Variants in GRAMD1B observed in about 807,000 individuals in gnomAD.
The protein encoded by GRAMD1B is protein Aster-B.
Under a neutral mutation model 99.7 loss-of-function variants are expected in GRAMD1B, and 37 were observed. That is an observed-to-expected ratio of 0.37 (90% CI 0.29 to 0.49). The LOEUF is 0.49. GRAMD1B is among the 20% of genes least tolerant of loss of function. GRAMD1B has a pLI of 0.98. For missense variants in GRAMD1B, 888 were observed against 1,009.2 expected, an observed-to-expected ratio of 0.88 and a Z score of 1.63; for synonymous variants, 427 against 387.6, an observed-to-expected ratio of 1.10 and a Z score of -1.19.
intron 1 of GRAMD1B, among the ~76,000 whole-genome samples, chr11:123,418,569 A>T (rs1251785267): frequency 1.3e-5 from 2 of 152,200 alleles, no homozygotes; most frequent in African/African-American, 4.8e-5. Flanking sequence ...TTCTGGGCAA[A>T]GGGCATTAGA....
intron 2 of GRAMD1B, among the ~76,000 whole-genome samples, chr11:123,481,117 T>C (rs1269050885): frequency 6.6e-6 from 1 of 152,120 alleles, no homozygotes; most frequent in African/African-American, 2.4e-5. Flanking sequence ...CTTTTTGTGT[T>C]CAGCAAAAGA....
chr11:123,451,784 T>C (rs1949897791), intron 1 of GRAMD1B, among the ~76,000 whole-genome samples: 1 of 152,126 alleles, frequency 6.6e-6, no homozygotes, highest in Non-Finnish European at 1.5e-5. Flanking sequence ...GCTTCTTCTC[T>C]TGAAAGATGT....
intron 2 of GRAMD1B, among the ~76,000 whole-genome samples, chr11:123,500,893 C>G (rs937200444): frequency 6.6e-6 from 1 of 151,994 alleles, no homozygotes; most frequent in African/African-American, 2.4e-5. Context: ...AGGCTGATCT[C>G]AAACTCCTGG....
At chr11:123,538,773 C>A (rs1448059250) in intron 2 of GRAMD1B, among the ~76,000 whole-genome samples, 2 of 151,968 alleles carry the variant, frequency 1.3e-5, no homozygotes, top group Non-Finnish European at 2.9e-5. Flanking sequence ...GCACGCATCA[C>A]CACACCTGAC....
chr11:123,619,517 A>G, intron 19 of GRAMD1B: 2 of 1,210,514 alleles, frequency 1.7e-6, no homozygotes, highest in Non-Finnish European at 1.0e-6. Context: ...TTGGTAACCC[A>G]TAACCATCTG....
chr11:123,546,607 A>G (rs1456810277), intron 2 of GRAMD1B, among the ~76,000 whole-genome samples: 2 of 152,208 alleles, frequency 1.3e-5, no homozygotes, highest in African/African-American at 4.8e-5. Context: ...GTCTGGGAGT[A>G]ATCAAGGCTG....
At chr11:123,428,445 G>A (rs1179189504), upstream of GRAMD1B, among the ~76,000 whole-genome samples, 1 of 152,220 alleles carries the variant, frequency 6.6e-6, no homozygotes, top group Non-Finnish European at 1.5e-5. Context: ...AGGGCCAGTG[G>A]CTGGATTTCA....
At chr11:123,424,647 A>G (rs2136055165) in intron 1 of GRAMD1B, among the ~76,000 whole-genome samples, 1 of 152,238 alleles carries the variant, frequency 6.6e-6, no homozygotes, top group South Asian at 2.1e-4. Flanking sequence ...CTAACACCCT[A>G]TTCTTTTTTA....
At chr11:123,373,451 A>G (rs1946594890) in intron 1 of GRAMD1B, among the ~76,000 whole-genome samples, 1 of 152,166 alleles carries the variant, frequency 6.6e-6, no homozygotes, top group Non-Finnish European at 1.5e-5. Flanking sequence ...CCTTTCAGAA[A>G]AGGTAGAAGT....
chr11:123,382,985 G>T (rs747005249), intron 1 of GRAMD1B, among the ~76,000 whole-genome samples: 1 of 152,146 alleles, frequency 6.6e-6, no homozygotes, highest in Non-Finnish European at 1.5e-5. Context: ...CAAGAGAACT[G>T]GTTACACTTC....
At chr11:123,552,047 C>T (rs1488477006) in intron 2 of GRAMD1B, among the ~76,000 whole-genome samples, 1 of 152,122 alleles carries the variant, frequency 6.6e-6, no homozygotes, top group African/African-American at 2.4e-5. Context: ...TTTCCTTGCC[C>T]AGTCCTTTCC....
At chr11:123,508,103 A>G (rs1321711954) in intron 2 of GRAMD1B, among the ~76,000 whole-genome samples, 2 of 152,146 alleles carry the variant, frequency 1.3e-5, no homozygotes, top group African/African-American at 4.8e-5. Flanking sequence ...ATCTTAGTAT[A>G]TTTTCTGCGG....
chr11:123,359,973 G>C (rs1181983583), intron 1 of GRAMD1B, among the ~76,000 whole-genome samples: 2 of 152,134 alleles, frequency 1.3e-5, no homozygotes, highest in African/African-American at 2.4e-5. Flanking sequence ...TTTGGGGAGG[G>C]GCGGATCTCA....
chr11:123,578,394 G>T, intron 3 of GRAMD1B: 1 of 1,525,602 alleles, frequency 6.6e-7, no homozygotes, highest in Non-Finnish European at 8.8e-7. Context: ...TACCTTCTTT[G>T]CATGCATGGT....
chr11:123,582,199 C>T (rs766690859), intron 3 of GRAMD1B, among the ~76,000 whole-genome samples: 2 of 152,240 alleles, frequency 1.3e-5, no homozygotes, highest in Non-Finnish European at 2.9e-5. Flanking sequence ...CAGCCTCTTG[C>T]CCTGTGGGCT....
At chr11:123,496,748 A>G (rs1007733896) in intron 2 of GRAMD1B, among the ~76,000 whole-genome samples, 2 of 151,890 alleles carry the variant, frequency 1.3e-5, no homozygotes, top group Non-Finnish European at 2.9e-5. Context: ...AGTCTGATGC[A>G]TTCTTCAGCA....
chr11:123,470,066 A>C (rs1353128189), intron 1 of GRAMD1B, among the ~76,000 whole-genome samples: 1 of 152,164 alleles, frequency 6.6e-6, no homozygotes, highest in East Asian at 1.9e-4. Context: ...AGATAAGGAC[A>C]CCCTAGATGA....
rs981183348 is a variant in GRAMD1B at position 123,610,119 on chromosome 11, G to A, written c.1777-77G>A. 1 of 1,419,070 alleles carries A rather than the reference G, an allele frequency of 7.0e-7. No individual in the cohort carries two copies. The highest frequency in any genetic ancestry group is 9.8e-7 in the Non-Finnish European group (1 of 1,018,744). 87.9% of individuals were successfully genotyped at this position (1,419,070 alleles called of 1,614,324 possible). ...AGAAGCCGTGGGGTGGGGTGGGCTTGGGGAGGCTGGAGAAGGTGCTTTTCC... is the reference window on the plus strand; with the variant it reads ...AGAAGCCGTGGGGTGGGGTGGGCTTAGGGAGGCTGGAGAAGGTGCTTTTCC... On this transcript the variant is annotated intron_variant, in intron 13 of 19. Coordinates refer to ENST00000635736, the MANE Select transcript of GRAMD1B (RefSeq NM_001387025.1). The surrounding 1 kb of genome is among the most constrained non-coding windows in gnomAD (Gnocchi z 4.1).
At chr11:123,390,237 C>G (rs777731316) in intron 1 of GRAMD1B, among the ~76,000 whole-genome samples, 1 of 151,408 alleles carries the variant, frequency 6.6e-6, no homozygotes, top group Non-Finnish European at 1.5e-5. Context: ...TACAAAAACA[C>G]TACCCAAACA....
Sources: gnomAD v4.1 joint callset for allele counts (sites outside exome capture counted in the v4.1 genomes callset) on GRCh38, gnomAD v4.1.1 for gene constraint, Gnocchi (gnomAD v3.1) non-coding constraint, MANE v1.5 for transcripts, NCBI Gene and HGNC (gene_info 2026-07-23, HGNC 2026-07-21) for gene names.